Variants in MARF1 observed in about 807,000 individuals in gnomAD.
MARF1 encodes meiosis regulator and mRNA stability factor 1.
In MARF1, 24 loss-of-function variants were observed where a neutral mutation model predicts 168.2. That is an observed-to-expected ratio of 0.14 (90% CI 0.10 to 0.20). The LOEUF (loss-of-function observed/expected upper bound fraction) is 0.20. Among genes scored for constraint, MARF1 ranks in the 10% least tolerant of loss-of-function variants. The pLI is 1.00. For missense variants in MARF1, 1,744 were observed against 2,143.6 expected (o/e 0.81, Z 3.68); for synonymous variants, 868 against 822.4 (o/e 1.06, Z -0.95).
At chr16:15,634,732 C>G in intron 4 of MARF1, 25 bp downstream of exon 4, 1 of 1,598,972 alleles carries the variant, frequency 6.3e-7, no homozygotes, top group South Asian at 1.1e-5. Context: ...TAAATATGCA[C>G]ATTTTATGCC....
rs757885920 is a variant in MARF1 at position 15,617,543 on chromosome 16, CAA to C, written c.2721-10_2721-9del. 1.1e-5 allele frequency: 18 copies of C among 1,587,850 alleles called. No individual in the cohort carries two copies. The South Asian group carries it at 1.9e-4, about 17-fold the overall frequency. Reference sequence around the variant, plus strand: ...TTCAACTTGTGTCCAAACCTAAAAGCAAGAGAAGAGAGACGCTGACTTAGAAG... The same window carrying C: ...TTCAACTTGTGTCCAAACCTAAAAGCGAGAAGAGAGACGCTGACTTAGAAG... On this transcript the variant is annotated splice_polypyrimidine_tract_variant and intron_variant, in intron 13 of 26. Transcript: ENST00000396368.
Position 15,601,983 on chromosome 16 carries a change from A to G in MARF1, c.4626+8T>C, listed in dbSNP as rs368895327. On this transcript the variant is annotated splice_region_variant and intron_variant, in intron 23 of 26. Coordinates refer to ENST00000396368, the MANE Select transcript of MARF1 (RefSeq NM_014647.4). ...GATGCTCTCCCGGAAGCTGAGAAAA[A>G]TGCCCACCTGTGGAATTGCTCCCAA... 2.4e-4 allele frequency: 389 copies of G among 1,613,158 alleles called. 1 individual carries two copies. The highest frequency in any genetic ancestry group is 3.0e-4 in the Non-Finnish European group (348 of 1,179,232).
At chr16:15,632,920 T>G (rs1248915925) in intron 5 of MARF1, among the ~76,000 whole-genome samples, 1 of 152,114 alleles carries the variant, frequency 6.6e-6, no homozygotes, top group Non-Finnish European at 1.5e-5. Context: ...TAGTTTAATT[T>G]GTAAATTGTG....
At chr16:15,602,477 GAAC>G (rs1479826652) in intron 22 of MARF1, 6 of 575,364 alleles carry the variant, frequency 1.0e-5, no homozygotes, top group Non-Finnish European at 1.5e-5. Flanking sequence ...TGAAGACAAA[GAAC>G]AAGAAGACGA....
rs200272215 is a variant in MARF1 at position 15,596,851 on chromosome 16, A to C, written c.5071T>G (p.Cys1691Gly). 1.2e-6 allele frequency: 2 copies of C among 1,614,174 alleles called. No homozygotes were observed. Among genetic ancestry groups the C allele is most frequent in the Non-Finnish European group, 1.7e-6 (2 of 1,180,004 alleles). ...GGCACGGGGACAGCTGCTGAGATGC[A>C]GGACGAGCTGGAGTCAGAGGTCAGA... is the stretch of plus-strand genomic sequence containing the variant. ...KTLTSDSSSS[C>G]ISAAVPVPPC... is the part of the protein sequence containing the mutation. The change falls in exon 27 of 27, where the codon TGC becomes GGC. Residue 1691 changes from cysteine (C) to glycine (G), a missense_variant. Physicochemically the swap from Cys to Gly is radical, Grantham distance 159. Around this residue, in one of 7 missense-constraint regions of MARF1, gnomAD observed 313 missense variants for 337.4 expected, o/e 0.93. Coordinates refer to ENST00000396368, the MANE Select transcript of MARF1 (RefSeq NM_014647.4).
intron 25 of MARF1, 161 bp from the exon 26 acceptor site, chr16:15,599,185 AAAACCCAC>A: frequency 2.9e-6 from 2 of 682,306 alleles, no homozygotes; most frequent in Non-Finnish European, 4.9e-6. Context: ...ACAAAAACCC[AAAACCCAC>A]TAACAGGAAG....
chr16:15,638,173 A>G (rs531746697), intron 2 of MARF1, among the ~76,000 whole-genome samples: 9 of 152,306 alleles, frequency 5.9e-5, no homozygotes, highest in Middle Eastern at 3.4e-3. Context: ...TCAAAAAATA[A>G]AATCAAATAA....
chr16:15,597,521 A>G (rs1465798321), intron 26 of MARF1, among the ~76,000 whole-genome samples: 1 of 151,972 alleles, frequency 6.6e-6, no homozygotes, highest in Non-Finnish European at 1.5e-5. Context: ...TGGCTGAGCC[A>G]CATGTAATTC....
chr16:15,635,900 T>C lies in MARF1; in HGVS notation c.587A>G (p.Lys196Arg). 2 of 1,614,112 alleles carry C rather than the reference T, an allele frequency of 1.2e-6. No individual in the cohort carries two copies. Among genetic ancestry groups the C allele is most frequent in the African/African-American group, 1.3e-5 (1 of 75,022 alleles). ...SSCKHLPCCG[K>R]LHFQSCHGNV... is the part of the protein sequence containing the mutation. The stretch of plus-strand genomic sequence containing the variant: ...ACCATGACATGACTGGAAGTGGAGT[T>C]TTCCACAACAGGGCAGGTGTTTGCA... The change falls in exon 3 of 27, where the codon AAA (lysine) becomes AGA (arginine). Residue 196 changes from lysine (K) to arginine (R), a missense_variant. Transcript: ENST00000396368.
chr16:15,625,848 C>G, intron 7 of MARF1, 48 bp from the exon 8 acceptor site: 1 of 1,462,024 alleles, frequency 6.8e-7, no homozygotes, highest in South Asian at 1.2e-5. Flanking sequence ...CAAGGGCACA[C>G]ATTCAATTTC....
intron 25 of MARF1, among the ~76,000 whole-genome samples, chr16:15,599,640 GAT>G (rs2032199024): frequency 6.6e-6 from 1 of 152,188 alleles, no homozygotes; most frequent in African/African-American, 2.4e-5. Flanking sequence ...CACCTATAAC[GAT>G]GAATTCAAAA....
intron 25 of MARF1, among the ~76,000 whole-genome samples, chr16:15,599,982 C>T (rs889457768): frequency 6.6e-6 from 1 of 152,170 alleles, no homozygotes; most frequent in African/African-American, 2.4e-5. Context: ...TTATTCCCAA[C>T]CACTGATGTC....
At chr16:15,608,596 G>T in intron 20 of MARF1, 78 bp from the exon 21 acceptor site, 2 of 1,020,462 alleles carry the variant, frequency 2.0e-6, no homozygotes, top group Non-Finnish European at 2.9e-6. Context: ...AAAGTATGCA[G>T]CTAGTAATGA....
chr16:15,616,253 GGCTCCAAGTCAGTTACGCGTCT>G (rs1390107271), intron 15 of MARF1, among the ~76,000 whole-genome samples: 2 of 152,156 alleles, frequency 1.3e-5, no homozygotes, highest in African/African-American at 4.8e-5. Flanking sequence ...AGGGCAACTG[GGCTCCAAGTCAGTTACGCGTCT>G]GCTTCCACAT....
chr16:15,612,510 G>T, intron 17 of MARF1, 47 bp downstream of exon 17: 3 of 1,506,524 alleles, frequency 2.0e-6, no homozygotes, highest in Non-Finnish European at 2.8e-6. Context: ...CAAAGCCATG[G>T]AGGAACATTC....
chr16:15,597,531 C>A (rs1231778216), intron 26 of MARF1, among the ~76,000 whole-genome samples: 1 of 151,808 alleles, frequency 6.6e-6, no homozygotes, highest in Non-Finnish European at 1.5e-5. Context: ...ACATGTAATT[C>A]ACCTGCTCTA....
chr16:15,601,224 C>T, intron 23 of MARF1: 1 of 378,780 alleles, frequency 2.6e-6, no homozygotes, highest in South Asian at 2.0e-5. Flanking sequence ...TCACTGATCT[C>T]AGCTCCCAGG....
intron 18 of MARF1, 98 bp downstream of exon 18, chr16:15,611,494 A>T: frequency 9.1e-7 from 1 of 1,102,600 alleles, no homozygotes; most frequent in Non-Finnish European, 1.3e-6. Flanking sequence ...TTTCCAAAAG[A>T]ATGCTTAATA....
intron 13 of MARF1, among the ~76,000 whole-genome samples, chr16:15,618,031 C>T (rs1347294744): frequency 2.0e-5 from 3 of 152,198 alleles, no homozygotes; most frequent in Non-Finnish European, 4.4e-5. Context: ...AAGGCACTGG[C>T]CCTGGAGGCT....
Sources: gnomAD v4.1 joint callset for allele counts (sites outside exome capture counted in the v4.1 genomes callset) on GRCh38, gnomAD v4.1.1 for gene constraint, gnomAD v4.1.1 regional missense constraint, MANE v1.5 for transcripts, NCBI Gene and HGNC (gene_info 2026-07-23, HGNC 2026-07-21) for gene names.